The following KMT2C variants were observed in gnomAD, a reference collection of about 807,000 sequenced individuals.
The protein encoded by KMT2C is histone-lysine N-methyltransferase 2C.
A neutral mutation model predicts 507.9 loss-of-function variants in KMT2C; 88 were observed. The ratio of observed to expected loss-of-function variants is 0.17; its 90% CI spans 0.15 to 0.21. The LOEUF is 0.21. Ranked by LOEUF, KMT2C falls within the 10% of genes least tolerant of loss-of-function variation. KMT2C has a pLI of 1.00. For missense variants in KMT2C, 4,954 were observed against 5,957.8 expected, an observed-to-expected ratio of 0.83 and a Z score of 5.55; for synonymous variants, 2,049 against 2,080.8, an observed-to-expected ratio of 0.98 and a Z score of 0.42.
intron 1 of KMT2C, among the ~76,000 whole-genome samples, chr7:152,425,972 A>T (rs2097813142): frequency 6.6e-6 from 1 of 152,192 alleles, no homozygotes; most frequent in Non-Finnish European, 1.5e-5. Flanking sequence ...ATAATATGTA[A>T]AAATCTACTC....
intron 23 of KMT2C, among the ~76,000 whole-genome samples, chr7:152,213,634 A>C (rs1203096573): frequency 6.6e-6 from 1 of 152,034 alleles, no homozygotes; most frequent in Non-Finnish European, 1.5e-5. Flanking sequence ...TAGGAGAAAA[A>C]CTCCTTGATA....
At chr7:152,278,570 T>C (rs1360152537) in intron 6 of KMT2C, among the ~76,000 whole-genome samples, 9 of 152,266 alleles carry the variant, frequency 5.9e-5, no homozygotes, top group Non-Finnish European at 1.2e-4. Context: ...GCAACAGGTA[T>C]TTCTTTACAG....
intron 7 of KMT2C, among the ~76,000 whole-genome samples, chr7:152,266,932 C>G (rs1279486612): frequency 6.6e-6 from 1 of 152,126 alleles, no homozygotes; most frequent in South Asian, 2.1e-4. Context: ...ATAGGAAACC[C>G]GATTGTTACT....
intron 43 of KMT2C, among the ~76,000 whole-genome samples, chr7:152,161,868 TCA>T (rs752734589): frequency 3.3e-5 from 5 of 152,232 alleles, no homozygotes; most frequent in Non-Finnish European, 7.3e-5. Context: ...TTGCTACACA[TCA>T]CGTTATATAT....
At chr7:152,301,999 A>G (rs2096573161) in intron 6 of KMT2C, among the ~76,000 whole-genome samples, 1 of 152,200 alleles carries the variant, frequency 6.6e-6, no homozygotes, top group African/African-American at 2.4e-5. Flanking sequence ...GTGAATTGCC[A>G]CCTTACTATA....
intron 10 of KMT2C, 113 bp downstream of exon 10, chr7:152,252,433 A>G (rs1181037769): frequency 2.0e-5 from 16 of 804,706 alleles, no homozygotes; most frequent in Non-Finnish European, 3.2e-5. Flanking sequence ...AGCAATCAGT[A>G]CTGATGGAAT....
chr7:152,175,858 T>C (rs970047414), intron 38 of KMT2C, among the ~76,000 whole-genome samples: 1 of 152,146 alleles, frequency 6.6e-6, no homozygotes, highest in African/African-American at 2.4e-5. Context: ...CTGGCCAACA[T>C]GGTGAAACCC....
chr7:152,345,658 G>C (rs1271649449), intron 2 of KMT2C, among the ~76,000 whole-genome samples: 1 of 152,042 alleles, frequency 6.6e-6, no homozygotes, highest in African/African-American at 2.4e-5. Context: ...CTGAGTAGCT[G>C]GGACAGTACC....
Position 152,148,567 on chromosome 7 carries a change from G to A in KMT2C, c.13360C>T (p.Leu4454=). ...AGALINVELA[L]RRGLQMKCVF... ...CATTTCATTTGTAGGCCTCTCCTCA[G>A]AGCTAGCTCCACATTTATTAAGGCA... is the stretch of plus-strand genomic sequence containing the variant. The change falls in exon 52 of 59, where the codon CTG becomes TTG. Residue 4454 remains leucine (L), a synonymous_variant. Coordinates refer to ENST00000262189, the MANE Select transcript of KMT2C (RefSeq NM_170606.3). The surrounding 1 kb of genome is among the most constrained non-coding windows in gnomAD (Gnocchi z 7.1). 1.2e-6 allele frequency: 2 copies of A among 1,614,242 alleles called. No individual in the cohort carries two copies. The highest frequency in any genetic ancestry group is 2.7e-5 in the African/African-American group (2 of 75,060).
chr7:152,306,401 C>T (rs1373675340), intron 6 of KMT2C, among the ~76,000 whole-genome samples: 1 of 152,182 alleles, frequency 6.6e-6, no homozygotes, highest in African/African-American at 2.4e-5. Flanking sequence ...GATCTCCACT[C>T]CCTTCTTCTC....
intron 36 of KMT2C, 87 bp downstream of exon 36, chr7:152,180,619 CATTAA>C: frequency 2.1e-6 from 2 of 971,624 alleles, no homozygotes; most frequent in Non-Finnish European, 3.0e-6. Flanking sequence ...AAAAATAAAA[CATTAA>C]CTCCTGTGTA....
Position 152,251,957 on chromosome 7 carries a change from T to A in KMT2C, c.1603A>T (p.Ile535Leu). ...AATTTACCTGTAGTGAGCTCAGCTA[T>A]CTCCACTTCCTCACCTGGCTGTAAA... ...DRLQPGEEVE[I>L]AELTTDYNNE... is the part of the protein sequence containing the mutation. Residue 535 changes from isoleucine to leucine, a missense_variant, in exon 11 of 59, where the codon ATA becomes TTA. By Grantham distance (5) the Ile-to-Leu change is conservative (BLOSUM62 2). Coordinates refer to ENST00000262189, the MANE Select transcript of KMT2C (RefSeq NM_170606.3). 1 of 1,608,572 alleles carries A rather than the reference T, an allele frequency of 6.2e-7. No individual in the cohort carries two copies. The highest frequency in any genetic ancestry group is 1.7e-5 in the Admixed American group (1 of 59,154).
At chr7:152,419,283 G>A (rs920086793) in intron 1 of KMT2C, among the ~76,000 whole-genome samples, 11 of 152,124 alleles carry the variant, frequency 7.2e-5, no homozygotes, top group African/African-American at 9.6e-5. Context: ...CTCGGGAGGC[G>A]GAGATTGCAG....
At chr7:152,278,536 CCT>C (rs2096132973) in intron 6 of KMT2C, among the ~76,000 whole-genome samples, 1 of 152,274 alleles carries the variant, frequency 6.6e-6, no homozygotes, top group South Asian at 2.1e-4. Context: ...GCCAATTAAA[CCT>C]CTTTTTGTTA....
At chr7:152,326,884 A>AAAAAT (rs988866076) in intron 3 of KMT2C, among the ~76,000 whole-genome samples, 1 of 152,228 alleles carries the variant, frequency 6.6e-6, no homozygotes, top group African/African-American at 2.4e-5. Context: ...CTGTCTCAAA[A>AAAAAT]AAAATAAAAT....
chr7:152,142,316 A>C (rs2090653658), intron 55 of KMT2C, among the ~76,000 whole-genome samples: 1 of 152,250 alleles, frequency 6.6e-6, no homozygotes, highest in African/African-American at 2.4e-5. Flanking sequence ...TAAAAATTGA[A>C]AAATGGACAA....
intron 1 of KMT2C, among the ~76,000 whole-genome samples, chr7:152,408,895 T>C (rs2097651301): frequency 6.6e-6 from 1 of 152,052 alleles, no homozygotes; most frequent in Non-Finnish European, 1.5e-5. Context: ...CAGTCTAATA[T>C]GAATTTAACT....
At chr7:152,387,112 A>G (rs922731916) in intron 1 of KMT2C, among the ~76,000 whole-genome samples, 1 of 152,148 alleles carries the variant, frequency 6.6e-6, no homozygotes, top group Non-Finnish European at 1.5e-5. Context: ...CCAGAATAAG[A>G]TATTTTTTAA....
At chr7:152,151,061 A>C (rs1221543728) in intron 50 of KMT2C, 54 bp from the exon 51 acceptor site, 15 of 1,064,432 alleles carry the variant, frequency 1.4e-5, no homozygotes, top group Non-Finnish European at 1.9e-5. Context: ...ATTTAATAAA[A>C]ACAGGATCTA....
Sources: gnomAD v4.1 joint callset for allele counts (sites outside exome capture counted in the v4.1 genomes callset) on GRCh38, gnomAD v4.1.1 for gene constraint, Gnocchi (gnomAD v3.1) non-coding constraint, MANE v1.5 for transcripts, NCBI Gene and HGNC (gene_info 2026-07-23, HGNC 2026-07-21) for gene names.